ANK3: variants seen among roughly 807,000 people sequenced by gnomAD.
ANK3 encodes the protein ankyrin-3.
Under a neutral mutation model 370.9 loss-of-function variants are expected in ANK3, and 57 were observed. That is an observed-to-expected ratio of 0.15 (90% CI 0.12 to 0.19). ANK3 has a LOEUF of 0.19. Ranked by LOEUF, ANK3 falls within the 10% of genes least tolerant of loss-of-function variation. ANK3 has a pLI of 1.00. For synonymous variants in ANK3, 1,929 were observed against 1,946.3 expected, an observed-to-expected ratio of 0.99 and a Z score of 0.23; for missense variants, 4,439 against 5,302.1, an observed-to-expected ratio of 0.84 and a Z score of 5.06.
chr10:60,139,324 T>C, intron 23 of ANK3: 1 of 475,018 alleles, frequency 2.1e-6, no homozygotes. Flanking sequence ...TAAATACAAA[T>C]CTGAAAACAT....
At chr10:60,042,966 A>G in intron 42 of ANK3, 1 of 1,364,962 alleles carries the variant, frequency 7.3e-7, no homozygotes, top group South Asian at 1.9e-5. Flanking sequence ...CAAAATGAAT[A>G]CAACATAATT....
intron 2 of ANK3, among the ~76,000 whole-genome samples, chr10:60,548,692 T>G (rs2077025835): frequency 6.6e-6 from 1 of 152,190 alleles, no homozygotes; most frequent in African/African-American, 2.4e-5. Flanking sequence ...TTCATTCTAA[T>G]GCATAACTAA....
intron 1 of ANK3, among the ~76,000 whole-genome samples, chr10:60,358,155 C>G (rs750591047): frequency 5.3e-5 from 8 of 151,872 alleles, no homozygotes; most frequent in African/African-American, 1.9e-4. Flanking sequence ...CAAAACTTCT[C>G]TCTTATCCCA....
intron 41 of ANK3, among the ~76,000 whole-genome samples, chr10:60,057,427 T>C (rs2079429622): frequency 6.6e-6 from 1 of 152,216 alleles, no homozygotes; most frequent in Admixed American, 6.5e-5. Context: ...TACTTATATA[T>C]GTGTGTGTAT....
chr10:60,217,150 C>A (rs1363485788), intron 8 of ANK3, among the ~76,000 whole-genome samples: 1 of 151,982 alleles, frequency 6.6e-6, no homozygotes, highest in Non-Finnish European at 1.5e-5. Flanking sequence ...TGATTCTTCT[C>A]TCTTTTCTTC....
intron 43 of ANK3, among the ~76,000 whole-genome samples, chr10:60,030,227 C>A (rs1362633666): frequency 2.0e-5 from 3 of 152,128 alleles, no homozygotes; most frequent in Admixed American, 6.5e-5. Context: ...ACTGCAAGCT[C>A]TGCCTCCTGG....
chr10:60,597,508 C>T (rs554784339), intron 2 of ANK3, among the ~76,000 whole-genome samples: 24 of 152,288 alleles, frequency 1.6e-4, no homozygotes, highest in African/African-American at 3.4e-4. Context: ...ACCAGTCAAG[C>T]GATGGGCACA....
chr10:60,462,671 G>A (rs1273274810), intron 2 of ANK3, among the ~76,000 whole-genome samples: 1 of 149,838 alleles, frequency 6.7e-6, no homozygotes, highest in African/African-American at 2.5e-5. Flanking sequence ...TAAAATCAGT[G>A]GTTTTCTACT....
chr10:60,083,437 C>A, intron 33 of ANK3, 55 bp downstream of exon 33: 1 of 1,544,834 alleles, frequency 6.5e-7, no homozygotes, highest in East Asian at 2.3e-5. Flanking sequence ...TATTTTTATT[C>A]TCTAAGAGTA....
chr10:60,311,463 T>C (rs1402473813), intron 1 of ANK3, among the ~76,000 whole-genome samples: 2 of 125,244 alleles, frequency 1.6e-5, no homozygotes, highest in Non-Finnish European at 3.3e-5. Context: ...AGTAATTGGG[T>C]ATATGGAAGC....
At chr10:60,728,131 T>A (rs1451839187) in intron 1 of ANK3, among the ~76,000 whole-genome samples, 1 of 152,142 alleles carries the variant, frequency 6.6e-6, no homozygotes, top group Non-Finnish European at 1.5e-5. Context: ...TTTAGGGACA[T>A]TTTACCAGCC....
At chr10:60,277,003 A>G (rs1200518558) in intron 4 of ANK3, among the ~76,000 whole-genome samples, 1 of 152,210 alleles carries the variant, frequency 6.6e-6, no homozygotes, top group Non-Finnish European at 1.5e-5. Flanking sequence ...CTGGAAAAGC[A>G]TTATTACTCC....
At chr10:60,596,585 T>C (rs1206932679) in intron 2 of ANK3, among the ~76,000 whole-genome samples, 2 of 152,206 alleles carry the variant, frequency 1.3e-5, no homozygotes, top group Non-Finnish European at 2.9e-5. Flanking sequence ...ACCGATAGAT[T>C]TGTCCACTGG....
chr10:60,187,686 A>G (rs1003938064), intron 16 of ANK3, among the ~76,000 whole-genome samples: 1 of 152,150 alleles, frequency 6.6e-6, no homozygotes, highest in Admixed American at 6.6e-5. Context: ...ACTGCTTACA[A>G]GTTGAAATTT....
chr10:60,671,107 A>G (rs532339310), intron 1 of ANK3, among the ~76,000 whole-genome samples: 5 of 152,308 alleles, frequency 3.3e-5, no homozygotes, highest in East Asian at 1.9e-4. Context: ...CTTATCTTAT[A>G]TAAACTACTC....
At chr10:60,512,508 T>C (rs963324610) in intron 2 of ANK3, among the ~76,000 whole-genome samples, 8 of 152,262 alleles carry the variant, frequency 5.3e-5, no homozygotes, top group African/African-American at 1.9e-4. Context: ...AAAAAGATCT[T>C]TCTGCAGGAG....
intron 7 of ANK3, among the ~76,000 whole-genome samples, chr10:60,239,794 T>C (rs2097397123): frequency 2.0e-5 from 3 of 151,960 alleles, no homozygotes; most frequent in Admixed American, 1.3e-4. Flanking sequence ...GTAAAACGTA[T>C]GACAACAACC....
At chr10:60,179,375 G>A (rs1006680200) in intron 18 of ANK3, among the ~76,000 whole-genome samples, 1 of 152,202 alleles carries the variant, frequency 6.6e-6, no homozygotes, top group African/African-American at 2.4e-5. Flanking sequence ...AAGGTTACAT[G>A]CTGCCAGATA....
chr10:60,459,203 G>C (rs1457211367), intron 2 of ANK3, among the ~76,000 whole-genome samples: 1 of 152,138 alleles, frequency 6.6e-6, no homozygotes, highest in Non-Finnish European at 1.5e-5. Context: ...TCCTGTGACA[G>C]GTAAAAGGTT....
Sources: gnomAD v4.1 joint callset for allele counts (sites outside exome capture counted in the v4.1 genomes callset) on GRCh38, gnomAD v4.1.1 for gene constraint, MANE v1.5 for transcripts, NCBI Gene and HGNC (gene_info 2026-07-23, HGNC 2026-07-21) for gene names.